The following TRIO variants were observed in gnomAD, a reference collection of about 807,000 sequenced individuals.
The protein encoded by TRIO is trio Rho guanine nucleotide exchange factor.
TRIO carries 58 observed loss-of-function variants against 351.9 expected under a neutral mutation model. That is an observed-to-expected ratio of 0.16 (90% CI 0.13 to 0.21). TRIO has a LOEUF of 0.21. Ranked by LOEUF, TRIO falls within the 10% of genes least tolerant of loss-of-function variation. The pLI, the probability that TRIO is intolerant of heterozygous loss-of-function variation, is 1.00. For synonymous variants in TRIO, 1,758 were observed against 1,595.7 expected (o/e 1.10, Z -2.42); for missense variants, 3,201 against 4,027.8 (o/e 0.79, Z 5.56).
chr5:14,166,910 C>G (rs529461970), intron 1 of TRIO, among the ~76,000 whole-genome samples: 1 of 152,236 alleles, frequency 6.6e-6, no homozygotes, highest in Admixed American at 6.5e-5. Context: ...AAAGCAGCTA[C>G]CCCTGTTTGT....
chr5:14,251,140 T>G (rs1794717736), intron 1 of TRIO, among the ~76,000 whole-genome samples: 1 of 152,224 alleles, frequency 6.6e-6, no homozygotes, highest in African/African-American at 2.4e-5. Context: ...CCTGGCTTTC[T>G]TGGGGTTGGT....
chr5:14,466,497 G>A (rs1754273480), intron 37 of TRIO: 1 of 152,264 alleles, frequency 6.6e-6, no homozygotes, highest in Non-Finnish European at 1.5e-5. Flanking sequence ...AGACAGGCAT[G>A]TGTTGCTTCT....
Position 14,286,804 on chromosome 5 carries a change from G to C in TRIO, c.348-67G>C, listed in dbSNP as rs1736480073. Reference sequence around the variant, plus strand: ...GGAAGCTGGGTCTGTGGCACCCAGTGGGACTCTGACCAGGCAGAGTGGCAA... The same window carrying C: ...GGAAGCTGGGTCTGTGGCACCCAGTCGGACTCTGACCAGGCAGAGTGGCAA... On this transcript the variant is annotated intron_variant, in intron 3 of 56. Transcript: ENST00000344204. The surrounding 1 kb of genome is among the most constrained non-coding windows in gnomAD (Gnocchi z 4.4). 5.9e-6 allele frequency: 9 copies of C among 1,537,220 alleles called. No individual in the cohort carries two copies. Among genetic ancestry groups the C allele is most frequent in the African/African-American group, 1.4e-5 (1 of 73,332 alleles).
chr5:14,333,295 G>A (rs1249111370), intron 10 of TRIO, among the ~76,000 whole-genome samples: 1 of 152,204 alleles, frequency 6.6e-6, no homozygotes, highest in East Asian at 1.9e-4. Context: ...GTTAGTTAGC[G>A]TTTGTGGTGC....
intron 38 of TRIO, 41 bp from the exon 39 acceptor site, chr5:14,472,551 A>G (rs1385939025): frequency 2.5e-6 from 4 of 1,609,954 alleles, no homozygotes; most frequent in Non-Finnish European, 3.4e-6. Context: ...AAATTCATTT[A>G]GAAAACAGTT....
At chr5:14,315,644 C>T (rs1739319811) in intron 8 of TRIO, among the ~76,000 whole-genome samples, 1 of 152,168 alleles carries the variant, frequency 6.6e-6, no homozygotes, top group South Asian at 2.1e-4. Flanking sequence ...ACACCTGCAT[C>T]CCACACCTGG....
At chr5:14,291,543 C>G (rs1736902894) in intron 5 of TRIO, among the ~76,000 whole-genome samples, 1 of 151,724 alleles carries the variant, frequency 6.6e-6, no homozygotes, top group Admixed American at 6.6e-5. Context: ...AATCCCAGCC[C>G]TTTGGGAGGC....
intron 1 of TRIO, among the ~76,000 whole-genome samples, chr5:14,223,168 G>A (rs1399226376): frequency 6.6e-6 from 1 of 152,206 alleles, no homozygotes; most frequent in Admixed American, 6.5e-5. Context: ...AGAGAGTTAT[G>A]TGACAGCGTC....
At chr5:14,448,482 G>C (rs1752602539) in intron 34 of TRIO, among the ~76,000 whole-genome samples, 1 of 152,242 alleles carries the variant, frequency 6.6e-6, no homozygotes. Flanking sequence ...CAGGGAACCG[G>C]ATCTCCCCTG....
intron 21 of TRIO, among the ~76,000 whole-genome samples, chr5:14,385,411 T>C (rs1053563722): frequency 1.3e-5 from 2 of 152,330 alleles, no homozygotes; most frequent in South Asian, 4.1e-4. Context: ...TAGTGAAATA[T>C]TACCCAGCTC....
rs138577136 is a variant in TRIO at position 14,319,598 on chromosome 5, C to T, written c.1731+2855C>T. On this transcript the variant is annotated intron_variant, in intron 9 of 56. Coordinates refer to ENST00000344204, the MANE Select transcript of TRIO (RefSeq NM_007118.4). ...AAACATAGTAAGCCGGTTAGAGACA[C>T]GACAGTGGTTTTCATTTGATTGTTT... 4.8e-4 allele frequency among the ~76,000 whole-genome samples: 73 copies of T among 152,198 alleles called. No individual in the cohort carries two copies. The East Asian group carries it at 0.012, about 26-fold the overall frequency.
chr5:14,144,897 G>A (rs949545555), intron 1 of TRIO, among the ~76,000 whole-genome samples: 6 of 151,198 alleles, frequency 4.0e-5, no homozygotes, highest in Non-Finnish European at 8.8e-5. Flanking sequence ...GCAGCAGGAG[G>A]AGGAGGAGGC....
chr5:14,475,450 T>C (rs1481783423), intron 40 of TRIO, among the ~76,000 whole-genome samples: 1 of 152,244 alleles, frequency 6.6e-6, no homozygotes, highest in African/African-American at 2.4e-5. Context: ...AACTATGAGA[T>C]ACTGGACAGA....
At chr5:14,162,374 C>T (rs928536540) in intron 1 of TRIO, among the ~76,000 whole-genome samples, 7 of 152,192 alleles carry the variant, frequency 4.6e-5, no homozygotes, top group Admixed American at 1.3e-4. Context: ...ATTATCAGAA[C>T]AGATGGCTTG....
intron 33 of TRIO, among the ~76,000 whole-genome samples, chr5:14,415,427 C>A (rs1415208940): frequency 1.3e-5 from 2 of 152,124 alleles, no homozygotes; most frequent in Admixed American, 1.3e-4. Flanking sequence ...TGTTCTTGAG[C>A]CATACATGCC....
intron 56 of TRIO, 71 bp downstream of exon 56, chr5:14,507,331 C>A: frequency 1.9e-6 from 3 of 1,581,546 alleles, no homozygotes; most frequent in East Asian, 2.2e-5. Context: ...CACAGAGCCC[C>A]CTCTGAAGCC....
intron 34 of TRIO, among the ~76,000 whole-genome samples, chr5:14,428,575 T>G (rs1750838245): frequency 6.6e-6 from 1 of 152,036 alleles, no homozygotes; most frequent in Non-Finnish European, 1.5e-5. Flanking sequence ...GATTAAGGAG[T>G]GTTTTCTACA....
chr5:14,161,874 A>G (rs549906804), intron 1 of TRIO, among the ~76,000 whole-genome samples: 1 of 152,110 alleles, frequency 6.6e-6, no homozygotes, highest in Non-Finnish European at 1.5e-5. Context: ...TTGCAGGTGC[A>G]TACCACTATG....
chr5:14,168,195 C>T (rs1422539733), intron 1 of TRIO, among the ~76,000 whole-genome samples: 1 of 152,228 alleles, frequency 6.6e-6, no homozygotes, highest in Admixed American at 6.5e-5. Context: ...TCAAGTGTGT[C>T]ATCCTGAAAT....
Sources: allele counts gnomAD v4.1 joint callset (sites outside exome capture counted in the v4.1 genomes callset), GRCh38; gene constraint gnomAD v4.1.1; non-coding constraint Gnocchi (gnomAD v3.1); transcripts MANE v1.5; gene names NCBI Gene and HGNC (gene_info 2026-07-23, HGNC 2026-07-21).